Variants in NAALADL2 observed in about 807,000 individuals in gnomAD.
The protein encoded by NAALADL2 is inactive N-acetylated-alpha-linked acidic dipeptidase-like protein 2.
In NAALADL2, 76 loss-of-function variants were observed where a neutral mutation model predicts 87.2. The observed-to-expected ratio is 0.87, with a 90% CI of 0.72 to 1.05. NAALADL2 has a LOEUF of 1.05. Ranked by LOEUF, NAALADL2 falls within the 50% of genes least tolerant of loss-of-function variation. The pLI is 0.00. For missense variants in NAALADL2, 1,089 were observed against 945.8 expected (o/e 1.15, Z -1.99); for synonymous variants, 354 against 331.0 (o/e 1.07, Z -0.75).
At chr3:174,588,140 C>T (rs1428972380) in intron 2 of NAALADL2, among the ~76,000 whole-genome samples, 1 of 152,138 alleles carries the variant, frequency 6.6e-6, no homozygotes, top group African/African-American at 2.4e-5. Context: ...AACACTCATA[C>T]CCTTTCTTTT....
At chr3:175,721,280 A>T (rs535817874) in intron 11 of NAALADL2, among the ~76,000 whole-genome samples, 55 of 152,188 alleles carry the variant, frequency 3.6e-4, no homozygotes, top group African/African-American at 1.3e-3. Flanking sequence ...CAGGGGAAAA[A>T]CTCAGTCAAG....
chr3:175,031,919 A>G (rs1334292179), intron 1 of NAALADL2, among the ~76,000 whole-genome samples: 2 of 152,002 alleles, frequency 1.3e-5, no homozygotes, highest in Admixed American at 1.3e-4. Context: ...TCTTCTTTTG[A>G]GAAGTGCCTA....
At chr3:175,798,857 A>C (rs913825345) in intron 13 of NAALADL2, among the ~76,000 whole-genome samples, 8 of 151,912 alleles carry the variant, frequency 5.3e-5, no homozygotes, top group Non-Finnish European at 8.8e-5. Flanking sequence ...TTTATTAATA[A>C]CATCTTATCA....
chr3:175,441,218 A>G (rs989298935), intron 5 of NAALADL2, among the ~76,000 whole-genome samples: 13 of 152,192 alleles, frequency 8.5e-5, no homozygotes, highest in African/African-American at 3.1e-4. Context: ...AAGTTCCAAA[A>G]AGCAAAACTT....
intron 2 of NAALADL2, among the ~76,000 whole-genome samples, chr3:175,225,972 G>T (rs78260718): frequency 0.012 from 1,848 of 152,152 alleles, 44 homozygotes; most frequent in African/African-American, 0.043. Context: ...TTGACAGTTT[G>T]TTATATTTCT....
At chr3:175,119,872 A>T (rs1000469612) in intron 2 of NAALADL2, among the ~76,000 whole-genome samples, 74 of 126,318 alleles carry the variant, frequency 5.9e-4, no homozygotes, top group East Asian at 1.2e-3. Flanking sequence ...GTGTATGTGT[A>T]TGTGTATATA....
intron 1 of NAALADL2, among the ~76,000 whole-genome samples, chr3:174,509,221 C>G (rs2108386000): frequency 1.3e-5 from 2 of 151,914 alleles, no homozygotes; most frequent in South Asian, 4.1e-4. Context: ...GCATTCAGTG[C>G]TTTCAGTATT....
chr3:175,735,944 T>C (rs2150078084), intron 11 of NAALADL2, among the ~76,000 whole-genome samples: 1 of 152,336 alleles, frequency 6.6e-6, no homozygotes, highest in South Asian at 2.1e-4. Flanking sequence ...CACAAGACAA[T>C]GTTTTTCATT....
chr3:175,192,223 A>C (rs1174707299), intron 2 of NAALADL2, among the ~76,000 whole-genome samples: 3 of 152,038 alleles, frequency 2.0e-5, no homozygotes, highest in African/African-American at 7.2e-5. Context: ...CTCAGAACTA[A>C]CATATAGTTA....
chr3:175,805,384 TG>T lies in NAALADL2; in HGVS notation c.*2182del, dbSNP rs1419356219. The T allele has an allele frequency of 6.6e-6, 1 of 151,894 alleles. No individual in the cohort carries two copies. Among genetic ancestry groups the T allele is most frequent in the Non-Finnish European group, 1.5e-5 (1 of 67,888 alleles). The allele number at this position is 151,894 out of a possible 1,614,324, so 9.4% of individuals were successfully genotyped here. On this transcript the variant is annotated 3_prime_UTR_variant, in exon 14 of 14. Coordinates refer to ENST00000454872, the MANE Select transcript of NAALADL2 (RefSeq NM_207015.3). ...CCTCACCTCTAAATTATATGTTATT[TG>T]CTATTTGAAAACTGTAGTTAACTAT...
intron 5 of NAALADL2, among the ~76,000 whole-genome samples, chr3:175,434,027 T>A (rs1718223974): frequency 6.6e-6 from 1 of 151,912 alleles, no homozygotes; most frequent in Non-Finnish European, 1.5e-5. Flanking sequence ...AAACGAGTGG[T>A]AATCAGGTCA....
chr3:174,454,290 A>G lies in NAALADL2; in HGVS notation c.-184+13258A>G, dbSNP rs565801588. Among the ~76,000 whole-genome samples the G allele has an allele frequency of 2.6e-5, 4 of 152,268 alleles. No individual in the cohort carries two copies. In the South Asian group the frequency reaches 8.3e-4, roughly 32 times the overall value. On this transcript the variant is annotated intron_variant, in intron 1 of 3. Coordinates refer to the NAALADL2 transcript ENST00000434257. The stretch of plus-strand genomic sequence containing the variant: ...AGACTTAGACTCCCACACAATAATA[A>G]GGGGAGACATCAACATCTCACTCAC...
At chr3:174,972,392 C>A (rs1056323810) in intron 1 of NAALADL2, among the ~76,000 whole-genome samples, 1 of 152,084 alleles carries the variant, frequency 6.6e-6, no homozygotes, top group African/African-American at 2.4e-5. Flanking sequence ...GCTAAAAGTC[C>A]AAAATCTAAG....
intron 6 of NAALADL2, among the ~76,000 whole-genome samples, chr3:175,458,444 T>C (rs1722641307): frequency 6.8e-6 from 1 of 147,882 alleles, no homozygotes; most frequent in Non-Finnish European, 1.5e-5. Flanking sequence ...TAGATATATA[T>C]ACAATCAACA....
chr3:175,527,215 A>G (rs1733534626), intron 9 of NAALADL2, among the ~76,000 whole-genome samples: 1 of 152,174 alleles, frequency 6.6e-6, no homozygotes, highest in Admixed American at 6.5e-5. Context: ...CTTTGCTTTT[A>G]CATTGACTTG....
chr3:175,135,873 C>A (rs1463062986), intron 2 of NAALADL2, among the ~76,000 whole-genome samples: 1 of 152,102 alleles, frequency 6.6e-6, no homozygotes, highest in Admixed American at 6.6e-5. Context: ...AATATCAGTT[C>A]TAGAGAAAAA....
chr3:174,601,653 G>C (rs994438454), intron 2 of NAALADL2, among the ~76,000 whole-genome samples: 1 of 152,044 alleles, frequency 6.6e-6, no homozygotes, highest in African/African-American at 2.4e-5. Flanking sequence ...AACTTGATGT[G>C]ATCCCATTTG....
At chr3:175,132,075 C>G (rs181584805) in intron 2 of NAALADL2, among the ~76,000 whole-genome samples, 5 of 129,078 alleles carry the variant, frequency 3.9e-5, no homozygotes, top group Non-Finnish European at 6.6e-5. Flanking sequence ...GGGCGGCTGG[C>G]CAGGCGGGGG....
chr3:174,613,278 G>A (rs942451066), intron 2 of NAALADL2, among the ~76,000 whole-genome samples: 2 of 152,194 alleles, frequency 1.3e-5, no homozygotes, highest in Non-Finnish European at 2.9e-5. Flanking sequence ...AAGGCCTGCT[G>A]AAAGTCATCT....
Sources: allele counts gnomAD v4.1 joint callset (sites outside exome capture counted in the v4.1 genomes callset), GRCh38; gene constraint gnomAD v4.1.1; transcripts MANE v1.5; gene names NCBI Gene and HGNC (gene_info 2026-07-23, HGNC 2026-07-21).